The following CXCL16 variants were observed in gnomAD, a reference collection of about 807,000 sequenced individuals.
The protein encoded by CXCL16 is C-X-C motif chemokine ligand 16, also known as C-X-C motif chemokine 16.
A neutral mutation model predicts 23.8 loss-of-function variants in CXCL16; 18 were observed. The observed-to-expected ratio is 0.76, with a 90% confidence interval of 0.52 to 1.12. The LOEUF (loss-of-function observed/expected upper bound fraction) is 1.12, where lower values mean the gene tolerates loss of function less well. CXCL16 is among the 50% of genes most tolerant of loss of function. The pLI, the probability that CXCL16 is intolerant of heterozygous loss-of-function variation, is 0.00. For missense variants in CXCL16, 297 were observed against 315.4 expected (o/e 0.94, Z 0.44); for synonymous variants, 123 against 132.5 (o/e 0.93, Z 0.49).
In CXCL16 at chr17:4,738,944, C is replaced by T. The variant is rs1440957451; in HGVS notation, c.80-24G>A. 2 of 1,610,346 alleles carry T rather than the reference C, an allele frequency of 1.2e-6. No homozygotes were observed. The highest frequency in any genetic ancestry group is 1.3e-5 in the African/African-American group (1 of 74,826). ...GCCTGCGCGGGACGGAGGTGGTCGG[C>T]ACCCATTCCCAGGCCCAGGGTCCCC... On this transcript the variant is annotated intron_variant, in intron 1 of 5. Coordinates refer to ENST00000293778, the MANE Select transcript of CXCL16 (RefSeq NM_001386809.1). This position sits in a 1 kb window ranked among gnomAD's most constrained non-coding sequence, Gnocchi z 4.0.
chr17:4,738,371 T>C lies in CXCL16; in HGVS notation c.301+37A>G. The C allele has an allele frequency of 1.3e-6, 2 of 1,545,450 alleles. No homozygotes were observed. The highest frequency in any genetic ancestry group is 1.1e-5 in the South Asian group (1 of 89,720). On this transcript the variant is annotated intron_variant, in intron 3 of 5. Transcript: ENST00000293778. This position sits in a 1 kb window ranked among gnomAD's most constrained non-coding sequence, Gnocchi z 4.0. ...CTGTCAGGTGGAAGCTGCTAAGCCC[T>C]GGAGGCAGAGCCTGAAGAGCAGTGG...
chr17:4,739,687 G>T lies in CXCL16; in HGVS notation c.-348C>A. The T allele has an allele frequency of 1.3e-6, 1 of 771,484 alleles. No homozygotes were observed. Among genetic ancestry groups the T allele is most frequent in the Non-Finnish European group, 1.8e-6 (1 of 545,500 alleles). 47.8% of individuals were successfully genotyped at this position (771,484 alleles called of 1,614,324 possible). On this transcript the variant is annotated 5_prime_UTR_variant, in exon 1 of 6. Transcript: ENST00000293778. This position sits in a 1 kb window ranked among gnomAD's most constrained non-coding sequence, Gnocchi z 5.3. ...CGGCGGCGGGCGAGGAGGGGCGGGA[G>T]GACGACGGCCCGAGGAGCCGATTCG...
Position 4,738,375 on chromosome 17 carries a change from G to A in CXCL16, c.301+33C>T, listed in dbSNP as rs1209091219. ...CAGGTGGAAGCTGCTAAGCCCTGGAGGCAGAGCCTGAAGAGCAGTGGAAAA... is the reference window on the plus strand; with the variant it reads ...CAGGTGGAAGCTGCTAAGCCCTGGAAGCAGAGCCTGAAGAGCAGTGGAAAA... On this transcript the variant is annotated intron_variant, in intron 3 of 5. Coordinates refer to ENST00000293778, the MANE Select transcript of CXCL16 (RefSeq NM_001386809.1). This position sits in a 1 kb window ranked among gnomAD's most constrained non-coding sequence, Gnocchi z 4.0. 6.4e-7 allele frequency: 1 copy of A among 1,564,160 alleles called. No homozygotes were observed. The highest frequency in any genetic ancestry group is 1.3e-5 in the African/African-American group (1 of 74,308).
Position 4,739,118 on chromosome 17 carries a change from C to T in CXCL16, c.79+143G>A. Reference sequence around the variant, plus strand: ...GAGCCAGGCGTCCCCGGGCCTCTGTCCCCAACCCCAGGCGGCTGGCTGGCT... The same window carrying T: ...GAGCCAGGCGTCCCCGGGCCTCTGTTCCCAACCCCAGGCGGCTGGCTGGCT... On this transcript the variant is annotated intron_variant, in intron 1 of 5. Coordinates refer to ENST00000293778, the MANE Select transcript of CXCL16 (RefSeq NM_001386809.1). The surrounding 1 kb of genome is among the most constrained non-coding windows in gnomAD (Gnocchi z 5.3). The T allele has an allele frequency of 1.6e-6, 2 of 1,267,346 alleles. No homozygotes were observed. Among genetic ancestry groups the T allele is most frequent in the Non-Finnish European group, 2.2e-6 (2 of 917,458 alleles). 78.5% of individuals were successfully genotyped at this position (1,267,346 alleles called of 1,614,324 possible). A position where few individuals can be genotyped will look rare whatever the true frequency, so the allele number is the denominator to read the frequency against.
In CXCL16 at chr17:4,738,817, G is replaced by C; in HGVS notation, c.183C>G (p.His61Gln). The change falls in exon 2 of 6, where the codon CAC (histidine) becomes CAG (glutamine). Residue 61 changes from histidine to glutamine, a missense_variant. Transcript: ENST00000293778. The surrounding 1 kb of genome is among the most constrained non-coding windows in gnomAD (Gnocchi z 4.0). Reference protein sequence around the residue: ...SVQFMNRLRKHLRAYHRCLYY... With the variant: ...SVQFMNRLRKQLRAYHRCLYY... The stretch of plus-strand genomic sequence containing the variant: ...ATAGACACCGATGGTAAGCTCTCAG[G>C]TGTTTCCGGAGACGATTCATGAACT... The C allele has an allele frequency of 6.2e-7, 1 of 1,614,202 alleles. No individual in the cohort carries two copies. Among genetic ancestry groups the C allele is most frequent in the South Asian group, 1.1e-5 (1 of 91,080 alleles).
rs1241894355 is a variant in CXCL16 at position 4,737,598 on chromosome 17, AAGAAAT to A, written c.301+804_301+809del. ...ATTAAAAAAAAAAAAAAAAAAAAAA[AAGAAAT>A]GCATCAAGAAATAAGGTGATGGATG... On this transcript the variant is annotated intron_variant, in intron 3 of 5. Coordinates refer to ENST00000293778, the MANE Select transcript of CXCL16 (RefSeq NM_001386809.1). 1.6e-3 allele frequency among the ~76,000 whole-genome samples: 228 copies of A among 146,612 alleles called. 3 individuals are homozygous for A. Among genetic ancestry groups the A allele is most frequent in the Non-Finnish European group, 2.4e-3 (157 of 66,414 alleles).
At position 4,738,221 on chromosome 17, in the gene CXCL16, T is replaced by C. The variant is rs975139585; in HGVS notation, c.301+187A>G. Among the ~76,000 whole-genome samples, 3 of 152,144 alleles carry C rather than the reference T, an allele frequency of 2.0e-5. No individual in the cohort carries two copies. Among genetic ancestry groups the C allele is most frequent in the Non-Finnish European group, 1.5e-5 (1 of 68,018 alleles). On this transcript the variant is annotated intron_variant, in intron 3 of 5. Coordinates refer to ENST00000293778, the MANE Select transcript of CXCL16 (RefSeq NM_001386809.1). This position sits in a 1 kb window ranked among gnomAD's most constrained non-coding sequence, Gnocchi z 4.0. ...TGGTAGAATGAATTGGCAAAACTCA[T>C]GAAGGTGATGGTGAATGATCACCCC...
Position 4,735,652 on chromosome 17 carries a change from C to A in CXCL16, c.302-144G>T, listed in dbSNP as rs1011563792. On this transcript the variant is annotated intron_variant, in intron 3 of 5. Coordinates refer to ENST00000293778, the MANE Select transcript of CXCL16 (RefSeq NM_001386809.1). ...TACCCCTATAAATAAAAAACATTAA[C>A]AAGAGAAAAGCCTAACATTTATTTA... 4 of 488,362 alleles carry A rather than the reference C, an allele frequency of 8.2e-6. No individual in the cohort carries two copies. The East Asian group carries it at 1.4e-4, about 17-fold the overall frequency. 30.3% of individuals were successfully genotyped at this position (488,362 alleles called of 1,614,324 possible).
At position 4,735,116 on chromosome 17, in the gene CXCL16, CCCT is replaced by C. The variant is rs1916112165; in HGVS notation, c.691_693del (p.Arg231del). The C allele has an allele frequency of 6.2e-7, 1 of 1,610,776 alleles. No homozygotes were observed. Among genetic ancestry groups the C allele is most frequent in the Non-Finnish European group, 8.5e-7 (1 of 1,177,526 alleles). ...CCTGGAGAGGACTGCGGTGACTGCC[CCCT>C]CCTCCTCTTGCACAGCACATAGGAA... On this transcript the variant is annotated inframe_deletion, in exon 4 of 6. Transcript: ENST00000293778.
chr17:4,739,281 A>G lies in CXCL16; in HGVS notation c.59T>C (p.Leu20Pro). Residue 20 changes from leucine (L) to proline (P), a missense_variant, in exon 1 of 6, where the codon CTG becomes CCG. Leu to Pro is a moderately conservative substitution (Grantham distance 98, BLOSUM62 -3). Coordinates refer to ENST00000293778, the MANE Select transcript of CXCL16 (RefSeq NM_001386809.1). The surrounding 1 kb of genome is among the most constrained non-coding windows in gnomAD (Gnocchi z 5.3). Reference sequence around the variant, plus strand: ...CTAACCTGGCTGAGTCAGGTACACCAGCAGGAGCAGAAGCAGGAGCAGGAG... The same window carrying G: ...CTAACCTGGCTGAGTCAGGTACACCGGCAGGAGCAGAAGCAGGAGCAGGAG... ...RVLLLLLLLLLVYLTQPGNGN... is the reference protein window; with the variant it reads ...RVLLLLLLLLPVYLTQPGNGN... 6.2e-7 allele frequency: 1 copy of G among 1,608,246 alleles called. No homozygotes were observed. Among genetic ancestry groups the G allele is most frequent in the South Asian group, 1.1e-5 (1 of 90,074 alleles).
Position 4,739,179 on chromosome 17 carries a change from C to A in CXCL16, c.79+82G>T. 1 of 1,510,788 alleles carries A rather than the reference C, an allele frequency of 6.6e-7. No homozygotes were observed. The highest frequency in any genetic ancestry group is 9.0e-7 in the Non-Finnish European group (1 of 1,114,900). The allele number at this position is 1,510,788 out of a possible 1,614,324, so 93.6% of individuals were successfully genotyped here. A position where few individuals can be genotyped will look rare whatever the true frequency, so the allele number is the denominator to read the frequency against. ...CCCCGCTGCCTTCATCCACTCAACT[C>A]CGTGGGCCTCGTGTCCCCTCCCCAA... On this transcript the variant is annotated intron_variant, in intron 1 of 5. Coordinates refer to ENST00000293778, the MANE Select transcript of CXCL16 (RefSeq NM_001386809.1). This position sits in a 1 kb window ranked among gnomAD's most constrained non-coding sequence, Gnocchi z 5.3.
chr17:4,734,485 AAAC>A lies in CXCL16; in HGVS notation c.*24-9_*24-7del. On this transcript the variant is annotated splice_region_variant and splice_polypyrimidine_tract_variant and intron_variant, in intron 5 of 5. Coordinates refer to ENST00000293778, the MANE Select transcript of CXCL16 (RefSeq NM_001386809.1). ...GGGCAACATAGAGTCCGTCTCTAAA[AAAC>A]AAAAAACAAAAACAAGTATGTATAC... is the stretch of plus-strand genomic sequence containing the variant. The A allele has an allele frequency of 1.3e-6, 1 of 780,698 alleles. No individual in the cohort carries two copies. Among genetic ancestry groups the A allele is most frequent in the Non-Finnish European group, 2.1e-6 (1 of 465,808 alleles). The allele number at this position is 780,698 out of a possible 1,614,324, so 48.4% of individuals were successfully genotyped here. A position where few individuals can be genotyped will look rare whatever the true frequency, so the allele number is the denominator to read the frequency against.
At chr17:4,737,918 C>A (rs1428315903) in intron 3 of CXCL16, among the ~76,000 whole-genome samples, 1 of 149,350 alleles carries the variant, frequency 6.7e-6, no homozygotes, top group Non-Finnish European at 1.5e-5. Flanking sequence ...GATCACAAGG[C>A]CAGGAGTTCG....
rs1220669860 is a variant in CXCL16, at chr17:4,735,399, A to C, written c.411T>G (p.Pro137=). 6.4e-7 allele frequency: 1 copy of C among 1,560,290 alleles called. No individual in the cohort carries two copies. The highest frequency in any genetic ancestry group is 1.2e-5 in the South Asian group (1 of 82,736). Reference sequence around the variant, plus strand: ...GCAAGGTGGACAGGAGCATCTGGGCAGGGGTGTGGATATCTGAAGATGCCC... The same window carrying C: ...GCAAGGTGGACAGGAGCATCTGGGCCGGGGTGTGGATATCTGAAGATGCCC... The part of the protein sequence containing the change: ...SEGASSDIHT[P]AQMLLSTLQS... Residue 137 remains proline (P), a synonymous_variant, in exon 4 of 6, where the codon CCT becomes CCG. Transcript: ENST00000293778.
At chr17:4,736,001 T>C (rs564361513) in intron 3 of CXCL16, among the ~76,000 whole-genome samples, 1 of 151,012 alleles carries the variant, frequency 6.6e-6, no homozygotes, top group Admixed American at 6.6e-5. Context: ...ACCCAGGAGG[T>C]GGAGGTTGCA....
chr17:4,737,396 GGTGAAACCCC>G, intron 3 of CXCL16, among the ~76,000 whole-genome samples: 1 of 146,412 alleles, frequency 6.8e-6, no homozygotes, highest in Non-Finnish European at 1.5e-5. Flanking sequence ...TGACCAACAC[GGTGAAACCCC>G]ATCTCTACTA....
In CXCL16 at chr17:4,737,593, A is replaced by AT. The variant is rs555410556; in HGVS notation, c.301+814_301+815insA. Among the ~76,000 whole-genome samples, 54 of 148,998 alleles carry AT rather than the reference A, an allele frequency of 3.6e-4. 4 individuals are homozygous for AT. The highest frequency in any genetic ancestry group is 1.3e-3 in the African/African-American group (54 of 40,480). On this transcript the variant is annotated intron_variant, in intron 3 of 5. Coordinates refer to ENST00000293778, the MANE Select transcript of CXCL16 (RefSeq NM_001386809.1). The stretch of plus-strand genomic sequence containing the variant: ...ACTCCATTAAAAAAAAAAAAAAAAA[A>AT]AAAAAAGAAATGCATCAAGAAATAA...
In CXCL16 at chr17:4,739,025, C is replaced by T. The variant is rs1597500814; in HGVS notation, c.80-105G>A. The T allele has an allele frequency of 2.1e-6, 3 of 1,418,808 alleles. No homozygotes were observed. In the Admixed American group the frequency reaches 6.9e-5, roughly 32 times the overall value. 87.9% of individuals were successfully genotyped at this position (1,418,808 alleles called of 1,614,324 possible). A position where few individuals can be genotyped will look rare whatever the true frequency, so the allele number is the denominator to read the frequency against. ...GCCCCATGACAGCCTCTCGGTGGAC[C>T]CAGGGTCAGAGCGCCAGGCTCAACC... is the stretch of plus-strand genomic sequence containing the variant. On this transcript the variant is annotated intron_variant, in intron 1 of 5. Coordinates refer to ENST00000293778, the MANE Select transcript of CXCL16 (RefSeq NM_001386809.1). This position sits in a 1 kb window ranked among gnomAD's most constrained non-coding sequence, Gnocchi z 5.3.
chr17:4,734,715 T>G (rs3744700), intron 4 of CXCL16, 63 bp from the exon 5 acceptor site: 934,175 of 1,365,264 alleles, frequency 0.68, 323,322 homozygotes, highest in South Asian at 0.87. Context: ...TGGGGGATGA[T>G]AGCTTGAACT....
Sources: gnomAD v4.1 joint callset for allele counts (sites outside exome capture counted in the v4.1 genomes callset) on GRCh38, gnomAD v4.1.1 for gene constraint, Gnocchi (gnomAD v3.1) non-coding constraint, MANE v1.5 for transcripts, NCBI Gene and HGNC (gene_info 2026-07-23, HGNC 2026-07-21) for gene names.